DOK6: variants seen among roughly 807,000 people sequenced by gnomAD.
DOK6 encodes the protein docking protein 6.
Under a neutral mutation model 44.0 loss-of-function variants are expected in DOK6, and 22 were observed. The ratio of observed to expected loss-of-function variants is 0.50; its 90% CI spans 0.36 to 0.71. The LOEUF (loss-of-function observed/expected upper bound fraction) is 0.71, where lower values mean the gene tolerates loss of function less well. Among genes scored for constraint, DOK6 ranks in the 30% least tolerant of loss-of-function variants. The pLI is 0.00. For synonymous variants in DOK6, 166 were observed against 145.5 expected (o/e 1.14, Z -1.01); for missense variants, 340 against 416.4 (o/e 0.82, Z 1.60).
chr18:69,409,332 C>T (rs1365213574), intron 1 of DOK6, among the ~76,000 whole-genome samples: 3 of 152,256 alleles, frequency 2.0e-5, no homozygotes, highest in East Asian at 1.9e-4. Flanking sequence ...CATGTAGAAA[C>T]GTGTGTAGTA....
intron 1 of DOK6, among the ~76,000 whole-genome samples, chr18:69,473,138 T>C (rs1255403428): frequency 1.3e-5 from 2 of 152,236 alleles, no homozygotes. Context: ...AACCCTGCTT[T>C]CCAAAGATGA....
intron 1 of DOK6, among the ~76,000 whole-genome samples, chr18:69,449,144 A>T (rs1212123694): frequency 6.6e-6 from 1 of 152,214 alleles, no homozygotes; most frequent in Non-Finnish European, 1.5e-5. Context: ...TTTAATTACT[A>T]GTTTTTGTTA....
chr18:69,836,571 C>A (rs1444740466), intron 7 of DOK6, among the ~76,000 whole-genome samples: 1 of 151,852 alleles, frequency 6.6e-6, no homozygotes, highest in Non-Finnish European at 1.5e-5. Flanking sequence ...CATGAATGCA[C>A]AATAGATTAG....
intron 2 of DOK6, among the ~76,000 whole-genome samples, chr18:69,591,457 A>C (rs1008566564): frequency 3.3e-5 from 5 of 152,158 alleles, no homozygotes; most frequent in African/African-American, 1.2e-4. Context: ...AGTCTTATCA[A>C]GGAAAACAAC....
At chr18:69,455,535 GTCTT>G (rs1979611169) in intron 1 of DOK6, among the ~76,000 whole-genome samples, 1 of 151,970 alleles carries the variant, frequency 6.6e-6, no homozygotes, top group African/African-American at 2.4e-5. Flanking sequence ...TTGTTTCTCT[GTCTT>G]TCACTCTGTC....
At chr18:69,757,362 T>G (rs1053977880) in intron 6 of DOK6, among the ~76,000 whole-genome samples, 8 of 152,244 alleles carry the variant, frequency 5.3e-5, no homozygotes, top group Admixed American at 5.2e-4. Flanking sequence ...ACCTTTACTT[T>G]TTTAGTTATT....
At chr18:69,753,878 A>G (rs1309250799) in intron 6 of DOK6, among the ~76,000 whole-genome samples, 1 of 152,108 alleles carries the variant, frequency 6.6e-6, no homozygotes, top group Non-Finnish European at 1.5e-5. Context: ...CCTTGCAGAG[A>G]AGGAATGAAA....
chr18:69,415,366 CT>C, intron 1 of DOK6, among the ~76,000 whole-genome samples: 1 of 100,986 alleles, frequency 9.9e-6, no homozygotes, highest in Non-Finnish European at 2.8e-5. Flanking sequence ...AGTCTTAATT[CT>C]CTCATGAAAC....
intron 4 of DOK6, among the ~76,000 whole-genome samples, chr18:69,681,436 C>G (rs1037457787): frequency 6.6e-6 from 1 of 152,134 alleles, no homozygotes; most frequent in Non-Finnish European, 1.5e-5. Flanking sequence ...TGATTAAATC[C>G]TTTGCTGTAA....
At chr18:69,590,107 A>C (rs1399850898) in intron 2 of DOK6, among the ~76,000 whole-genome samples, 1 of 152,184 alleles carries the variant, frequency 6.6e-6, no homozygotes, top group Non-Finnish European at 1.5e-5. Flanking sequence ...ATAAATGCCT[A>C]GTGGTCTTCA....
At chr18:69,661,962 G>A (rs1985538580) in intron 3 of DOK6, 1 of 152,162 alleles carries the variant, frequency 6.6e-6, no homozygotes, top group South Asian at 2.1e-4. Flanking sequence ...ACAGTAATCA[G>A]AAGGGGTTAC....
chr18:69,559,178 C>T (rs990191193), intron 1 of DOK6, among the ~76,000 whole-genome samples: 1 of 151,964 alleles, frequency 6.6e-6, no homozygotes, highest in Admixed American at 6.6e-5. Context: ...TATTGAGTGC[C>T]TACATAGAAA....
At chr18:69,808,587 GA>G (rs1380899634) in intron 7 of DOK6, among the ~76,000 whole-genome samples, 1 of 151,698 alleles carries the variant, frequency 6.6e-6, no homozygotes, top group Non-Finnish European at 1.5e-5. Flanking sequence ...AATGAGAACT[GA>G]AAGAGGAGAC....
intron 5 of DOK6, among the ~76,000 whole-genome samples, 169 bp from the exon 6 acceptor site, chr18:69,738,796 A>G (rs557743957): frequency 6.6e-6 from 1 of 152,280 alleles, no homozygotes; most frequent in African/African-American, 2.4e-5. Flanking sequence ...TTCATGTACC[A>G]TATAAAGATG....
At chr18:69,423,681 A>G (rs1438064813) in intron 1 of DOK6, among the ~76,000 whole-genome samples, 1 of 152,224 alleles carries the variant, frequency 6.6e-6, no homozygotes, top group Non-Finnish European at 1.5e-5. Context: ...GTTTTAATTT[A>G]TAAGCCTAGA....
rs1050884015 is a variant in DOK6, at chr18:69,842,430, C to G, written c.*1047C>G. 1 of 152,150 alleles carries G rather than the reference C, an allele frequency of 6.6e-6. No individual in the cohort carries two copies. The highest frequency in any genetic ancestry group is 2.4e-5 in the African/African-American group (1 of 41,436). The allele number at this position is 152,150 out of a possible 1,614,324, so 9.4% of individuals were successfully genotyped here. On this transcript the variant is annotated 3_prime_UTR_variant, in exon 8 of 8. Coordinates refer to ENST00000382713, the MANE Select transcript of DOK6 (RefSeq NM_152721.6). ...AAAGAGAGGTTCTAAATGAAGAACT[C>G]TTTAAGAAAGAAAGAATACACCCAT...
At chr18:69,585,538 A>G (rs56041336) in intron 2 of DOK6, among the ~76,000 whole-genome samples, 81,057 of 152,166 alleles carry the variant, frequency 0.53, 25,610 homozygotes, top group Non-Finnish European at 0.72. Context: ...TATAACTTCC[A>G]TATCTTTGCT....
intron 3 of DOK6, among the ~76,000 whole-genome samples, chr18:69,622,280 G>A (rs79614782): frequency 0.017 from 2,516 of 152,274 alleles, 33 homozygotes; most frequent in South Asian, 0.05. Flanking sequence ...AGAATTATAT[G>A]TAAGTTCACA....
chr18:69,709,062 G>A (rs1986700597), intron 5 of DOK6, among the ~76,000 whole-genome samples: 1 of 152,174 alleles, frequency 6.6e-6, no homozygotes, highest in African/African-American at 2.4e-5. Context: ...CTCTCTGTGG[G>A]AGAGCGATGC....
Sources: allele counts gnomAD v4.1 joint callset (sites outside exome capture counted in the v4.1 genomes callset), GRCh38; gene constraint gnomAD v4.1.1; transcripts MANE v1.5; gene names NCBI Gene and HGNC (gene_info 2026-07-23, HGNC 2026-07-21).